AKAP6: variants seen among roughly 807,000 people sequenced by gnomAD.
The protein encoded by AKAP6 is A-kinase anchoring protein 6.
Under a neutral mutation model 188.5 loss-of-function variants are expected in AKAP6, and 58 were observed. That is an observed-to-expected ratio of 0.31 (90% CI 0.25 to 0.38). The LOEUF is 0.38. AKAP6 is among the 10% of genes least tolerant of loss of function. The pLI, the probability that AKAP6 is intolerant of heterozygous loss-of-function variation, is 1.00. For synonymous variants in AKAP6, 989 were observed against 998.6 expected (o/e 0.99, Z 0.18); for missense variants, 2,710 against 2,740.0 (o/e 0.99, Z 0.24).
intron 5 of AKAP6, among the ~76,000 whole-genome samples, chr14:32,584,647 C>T (rs868145618): frequency 3.2e-4 from 48 of 152,296 alleles, no homozygotes; most frequent in Middle Eastern, 3.4e-3. Context: ...CCCTCCCTGG[C>T]CTCTACTCCA....
intron 13 of AKAP6, among the ~76,000 whole-genome samples, chr14:32,829,222 A>G (rs10133286): frequency 0.89 from 134,958 of 152,282 alleles, 60,165 homozygotes; most frequent in East Asian, 1. Context: ...AATTGAATCC[A>G]TCTCGTTTCC....
At chr14:32,406,079 C>T (rs997784286) in intron 1 of AKAP6, among the ~76,000 whole-genome samples, 4 of 152,208 alleles carry the variant, frequency 2.6e-5, no homozygotes. Flanking sequence ...CTGCAGCAAA[C>T]TTGAATGGTT....
In AKAP6 at chr14:32,835,439, C is replaced by A. The variant is rs564964488; in HGVS notation, c.*5634C>A. On this transcript the variant is annotated 3_prime_UTR_variant, in exon 14 of 14. Coordinates refer to ENST00000280979, the MANE Select transcript of AKAP6 (RefSeq NM_004274.5). ...ATTGATTTAGAGGGTTAGTCAATTA[C>A]AGACTAAATAATTAGTTCAATCAAA... The A allele has an allele frequency of 1.3e-5, 2 of 152,192 alleles. No individual in the cohort carries two copies. The highest frequency in any genetic ancestry group is 2.9e-5 in the Non-Finnish European group (2 of 68,036). 9.4% of individuals were successfully genotyped at this position (152,192 alleles called of 1,614,324 possible).
chr14:32,779,115 G>T (rs1277277567), intron 12 of AKAP6, among the ~76,000 whole-genome samples: 1 of 151,956 alleles, frequency 6.6e-6, no homozygotes, highest in East Asian at 1.9e-4. Context: ...CCCAATTTAG[G>T]CCAGATGTGG....
chr14:32,755,605 G>A lies in AKAP6; in HGVS notation c.3373-18073G>A, dbSNP rs140226347. Among the ~76,000 whole-genome samples, 138 of 152,018 alleles carry A rather than the reference G, an allele frequency of 9.1e-4. 1 individual carries two copies. Among genetic ancestry groups the A allele is most frequent in the Non-Finnish European group, 2.2e-4 (15 of 67,982 alleles). ...TGTAGCAGCATGATCTTGGGTCACT[G>A]CAGCTTCAACCTCTTGGGCTCAAGG... On this transcript the variant is annotated intron_variant, in intron 11 of 13. Transcript: ENST00000280979.
chr14:32,622,972 G>C (rs904823907), intron 7 of AKAP6, among the ~76,000 whole-genome samples: 31 of 152,120 alleles, frequency 2.0e-4, no homozygotes, highest in Admixed American at 1.6e-3. Context: ...CTCACGATAG[G>C]ACCATGGGTG....
intron 2 of AKAP6, among the ~76,000 whole-genome samples, chr14:32,518,590 T>TTG (rs1186353659): frequency 6.6e-6 from 1 of 152,036 alleles, no homozygotes; most frequent in African/African-American, 2.4e-5. Context: ...GAAGAAAGGG[T>TTG]ATCAGTGATT....
Position 32,821,863 on chromosome 14 carries a change from A to G in AKAP6, c.4050A>G (p.Ala1350=). ...LGGSNLVKPC[A]CHGGDMSQNS... ...GTTCCAATTTGGTAAAGCCCTGCGCATGTCATGGAGGAGACATGAGCCAGA... is the reference window on the plus strand; with the variant it reads ...GTTCCAATTTGGTAAAGCCCTGCGCGTGTCATGGAGGAGACATGAGCCAGA... Residue 1350 remains alanine (A), a synonymous_variant, in exon 13 of 14, where the codon GCA becomes GCG. Transcript: ENST00000280979. 2.5e-6 allele frequency: 4 copies of G among 1,613,960 alleles called. No homozygotes were observed. Among genetic ancestry groups the G allele is most frequent in the Non-Finnish European group, 3.4e-6 (4 of 1,179,940 alleles).
At chr14:32,413,175 A>ATTTTTTT (rs10577801) in intron 1 of AKAP6, among the ~76,000 whole-genome samples, 12 of 60,486 alleles carry the variant, frequency 2.0e-4, no homozygotes, top group African/African-American at 4.9e-4. Context: ...ATTTATTGAA[A>ATTTTTTT]TTTTTTTTTT....
At chr14:32,344,340 A>C (rs1167734441) in intron 1 of AKAP6, among the ~76,000 whole-genome samples, 1 of 152,214 alleles carries the variant, frequency 6.6e-6, no homozygotes, top group East Asian at 1.9e-4. Context: ...TAATGCCTAC[A>C]TAGTGGCATG....
chr14:32,756,540 C>A (rs2032339678), intron 11 of AKAP6, among the ~76,000 whole-genome samples: 1 of 151,994 alleles, frequency 6.6e-6, no homozygotes, highest in African/African-American at 2.4e-5. Context: ...GAACCTCTAT[C>A]ATTGGCTTCA....
intron 2 of AKAP6, among the ~76,000 whole-genome samples, chr14:32,510,464 A>ATG (rs1169775269): frequency 2.3e-4 from 16 of 70,052 alleles, no homozygotes; most frequent in African/African-American, 5.9e-4. Flanking sequence ...ATATATGTGT[A>ATG]TATATATATA....
intron 2 of AKAP6, among the ~76,000 whole-genome samples, chr14:32,457,673 C>T (rs185761357): frequency 1.8e-4 from 28 of 152,254 alleles, no homozygotes; most frequent in Non-Finnish European, 2.6e-4. Context: ...AGAGTTCAGG[C>T]GCCTGGTGAA....
At chr14:32,800,960 T>G (rs996324599) in intron 12 of AKAP6, among the ~76,000 whole-genome samples, 1 of 152,166 alleles carries the variant, frequency 6.6e-6, no homozygotes, top group African/African-American at 2.4e-5. Context: ...CAGGCTGCAG[T>G]GAGCCATGAT....
intron 7 of AKAP6, among the ~76,000 whole-genome samples, chr14:32,657,389 A>G (rs1476125423): frequency 6.6e-6 from 1 of 152,176 alleles, no homozygotes; most frequent in Non-Finnish European, 1.5e-5. Flanking sequence ...AACAGCTTAA[A>G]GCAGCAAATG....
In AKAP6 at chr14:32,483,009, A is replaced by ATGTGTGTGTG. The variant is rs1464491636; in HGVS notation, c.324+49193_324+49194insGTGTGTGTGT. Among the ~76,000 whole-genome samples, 8 of 150,304 alleles carry ATGTGTGTGTG rather than the reference A, an allele frequency of 5.3e-5. No individual in the cohort carries two copies. In the East Asian group the frequency reaches 1.4e-3, roughly 26 times the overall value. ...TGTGTGTATATATATATATATATAT[A>ATGTGTGTGTG]TATGTATCTTGCATTGGTAATTTTG... On this transcript the variant is annotated intron_variant, in intron 2 of 13. Coordinates refer to ENST00000280979, the MANE Select transcript of AKAP6 (RefSeq NM_004274.5).
At chr14:32,728,931 C>T (rs558497956) in intron 9 of AKAP6, among the ~76,000 whole-genome samples, 1 of 152,240 alleles carries the variant, frequency 6.6e-6, no homozygotes, top group East Asian at 1.9e-4. Context: ...GAAGCCATCC[C>T]CCAATCCTGG....
At chr14:32,554,631 A>C (rs796755167) in intron 4 of AKAP6, among the ~76,000 whole-genome samples, 3 of 152,328 alleles carry the variant, frequency 2.0e-5, no homozygotes, top group African/African-American at 7.2e-5. Context: ...CCCACAGACC[A>C]CTACTAGATT....
intron 7 of AKAP6, among the ~76,000 whole-genome samples, chr14:32,633,542 GGA>G (rs1887362808): frequency 6.6e-6 from 1 of 152,020 alleles, no homozygotes; most frequent in Non-Finnish European, 1.5e-5. Context: ...TATGAGCTTT[GGA>G]CAATGGTAAG....
Sources: gnomAD v4.1 joint callset for allele counts (sites outside exome capture counted in the v4.1 genomes callset) on GRCh38, gnomAD v4.1.1 for gene constraint, MANE v1.5 for transcripts, NCBI Gene and HGNC (gene_info 2026-07-23, HGNC 2026-07-21) for gene names.